TP63: variants seen among roughly 807,000 people sequenced by gnomAD.
The protein encoded by TP63 is tumor protein 63.
Under a neutral mutation model 82.8 loss-of-function variants are expected in TP63, and 17 were observed. The ratio of observed to expected loss-of-function variants is 0.21; its 90% CI spans 0.14 to 0.31. TP63 has a LOEUF of 0.31. Ranked by LOEUF, TP63 falls within the 10% of genes least tolerant of loss-of-function variation. The pLI is 1.00. For missense variants in TP63, 648 were observed against 895.3 expected, an observed-to-expected ratio of 0.72 and a Z score of 3.52; for synonymous variants, 330 against 321.7, an observed-to-expected ratio of 1.03 and a Z score of -0.28.
At chr3:189,749,231 C>A (rs1354093335) in intron 3 of TP63, among the ~76,000 whole-genome samples, 1 of 151,806 alleles carries the variant, frequency 6.6e-6, no homozygotes, top group Non-Finnish European at 1.5e-5. Context: ...GCAAAGAAAG[C>A]AATTAATAGA....
intron 10 of TP63, among the ~76,000 whole-genome samples, chr3:189,874,921 C>A (rs1718858168): frequency 6.6e-6 from 1 of 151,166 alleles, no homozygotes; most frequent in Admixed American, 6.6e-5. Context: ...AAATGACCTC[C>A]AAAACATCAC....
the TP63 span, among the ~76,000 whole-genome samples, chr3:189,607,006 G>T: frequency 1.3e-5 from 2 of 152,166 alleles, 1 homozygote; most frequent in Non-Finnish European, 2.9e-5. Context: ...TTGATGAAGT[G>T]AGCTGTTATG....
chr3:189,806,464 A>C (rs1726919215), intron 3 of TP63, among the ~76,000 whole-genome samples: 2 of 152,226 alleles, frequency 1.3e-5, no homozygotes, highest in African/African-American at 4.8e-5. Flanking sequence ...GAACACAAAG[A>C]ATATCTTTTC....
intron 4 of TP63, among the ~76,000 whole-genome samples, chr3:189,829,584 G>A (rs1711984303): frequency 6.6e-6 from 1 of 152,186 alleles, no homozygotes; most frequent in Admixed American, 6.5e-5. Flanking sequence ...AAACAGCTTT[G>A]GAACTAAGGA....
At chr3:189,740,715 G>C (rs539029651) in intron 3 of TP63, among the ~76,000 whole-genome samples, 1 of 152,222 alleles carries the variant, frequency 6.6e-6, no homozygotes, top group East Asian at 1.9e-4. Flanking sequence ...GGCCAGGCTG[G>C]TCTCGAACTC....
intron 3 of TP63, among the ~76,000 whole-genome samples, chr3:189,749,086 C>A (rs1721600404): frequency 1.3e-5 from 2 of 151,852 alleles, no homozygotes; most frequent in Admixed American, 1.3e-4. Flanking sequence ...TAGAAGAAAA[C>A]ATAGAACACT....
intron 1 of TP63, among the ~76,000 whole-genome samples, chr3:189,639,577 G>A (rs953918607): frequency 1.3e-5 from 2 of 151,906 alleles, no homozygotes; most frequent in African/African-American, 4.8e-5. Context: ...TTTTTCTTTC[G>A]TTTCAAATGA....
chr3:189,649,809 G>T (rs1409405901), intron 1 of TP63, among the ~76,000 whole-genome samples: 1 of 146,766 alleles, frequency 6.8e-6, no homozygotes, highest in Non-Finnish European at 1.5e-5. Context: ...GATCAGAGTG[G>T]CTGGAACAGA....
chr3:189,758,055 C>T (rs1431908710), intron 3 of TP63, among the ~76,000 whole-genome samples: 2 of 152,094 alleles, frequency 1.3e-5, no homozygotes, highest in Admixed American at 6.5e-5. Flanking sequence ...ATCTTTTTGG[C>T]ACCAGGAACC....
intron 1 of TP63, among the ~76,000 whole-genome samples, chr3:189,713,520 GAT>G (rs1560128631): frequency 6.6e-6 from 1 of 152,132 alleles, no homozygotes; most frequent in African/African-American, 2.4e-5. Flanking sequence ...CCAATGAACT[GAT>G]CCAGTTTTAA....
intron 4 of TP63, among the ~76,000 whole-genome samples, chr3:189,809,719 T>C (rs1322139618): frequency 6.6e-6 from 1 of 152,226 alleles, no homozygotes; most frequent in African/African-American, 2.4e-5. Flanking sequence ...AGCCTTTAGT[T>C]TGTATAGTTT....
At chr3:189,687,018 C>T (rs1043756597) in intron 1 of TP63, among the ~76,000 whole-genome samples, 3 of 151,992 alleles carry the variant, frequency 2.0e-5, no homozygotes, top group South Asian at 2.1e-4. Context: ...TGTGAGCCAC[C>T]GCGCCTGGCC....
intron 3 of TP63, among the ~76,000 whole-genome samples, chr3:189,776,318 G>C (rs777451164): frequency 3.9e-5 from 6 of 152,108 alleles, no homozygotes; most frequent in African/African-American, 9.7e-5. Context: ...TTGGAACACC[G>C]TGTTTCCCTC....
rs12054070 is a variant in TP63, at chr3:189,754,223, G to T, written c.324+15449G>T. On this transcript the variant is annotated intron_variant, in intron 3 of 13. Transcript: ENST00000264731. ...ATAAACCAGGTCAAAGCTCTAGTTT[G>T]CTAAATTTTGAATTGATCAAAGTTT... Among the ~76,000 whole-genome samples, 603 of 152,114 alleles carry T rather than the reference G, an allele frequency of 4.0e-3. 8 individuals are homozygous for T. In the East Asian group the frequency reaches 0.046, roughly 12 times the overall value.
chr3:189,732,533 G>A (rs548523125), intron 1 of TP63, among the ~76,000 whole-genome samples: 12 of 152,304 alleles, frequency 7.9e-5, no homozygotes, highest in African/African-American at 2.6e-4. Context: ...GGATGCAAAC[G>A]ATGTAGCGCG....
intron 1 of TP63, among the ~76,000 whole-genome samples, chr3:189,640,060 T>G (rs1260413613): frequency 6.6e-6 from 1 of 152,088 alleles, no homozygotes; most frequent in Non-Finnish European, 1.5e-5. Flanking sequence ...TCAAAGAAAC[T>G]TCTGTCTTTG....
intron 1 of TP63, among the ~76,000 whole-genome samples, chr3:189,673,259 G>GA (rs1274665846): frequency 2.6e-5 from 4 of 152,086 alleles, no homozygotes; most frequent in African/African-American, 9.7e-5. Context: ...TCCTCAGTCT[G>GA]ATAAAACTGA....
chr3:189,682,353 CTTT>C (rs11356924), intron 1 of TP63, among the ~76,000 whole-genome samples: 1 of 141,378 alleles, frequency 7.1e-6, no homozygotes. Context: ...AAATCAGCAC[CTTT>C]TTTTTTTTTT....
intron 1 of TP63, among the ~76,000 whole-genome samples, chr3:189,654,266 C>T (rs1344192207): frequency 6.7e-6 from 1 of 150,324 alleles, no homozygotes; most frequent in Admixed American, 6.6e-5. Context: ...AGAAAAATTG[C>T]AATCATTACA....
Sources: allele counts gnomAD v4.1 joint callset (sites outside exome capture counted in the v4.1 genomes callset), GRCh38; gene constraint gnomAD v4.1.1; transcripts MANE v1.5; gene names NCBI Gene and HGNC (gene_info 2026-07-23, HGNC 2026-07-21).